The following SMARCAD1 variants were observed in gnomAD, a reference collection of about 807,000 sequenced individuals.
The protein encoded by SMARCAD1 is SWI/SNF-related matrix-associated actin-dependent regulator of chromatin subfamily A containing DEAD/H box 1.
A neutral mutation model predicts 127.1 loss-of-function variants in SMARCAD1; 25 were observed. The observed-to-expected ratio is 0.20, with a 90% CI of 0.14 to 0.27. The LOEUF is 0.27. Among genes scored for constraint, SMARCAD1 ranks in the 10% least tolerant of loss-of-function variants. SMARCAD1 has a pLI of 1.00. For synonymous variants in SMARCAD1, 400 were observed against 396.9 expected, an observed-to-expected ratio of 1.01 and a Z score of -0.09; for missense variants, 807 against 1,206.0, an observed-to-expected ratio of 0.67 and a Z score of 4.90.
Position 94,231,240 on chromosome 4 carries a change from G to A in SMARCAD1, c.369-2714G>A, listed in dbSNP as rs144591799. ...GGCACATGGAATTAATTGAATTAAT[G>A]CAGTCTTGAGCACATTGCCGATTGG... On this transcript the variant is annotated intron_variant, in intron 3 of 23. Coordinates refer to ENST00000354268, the MANE Select transcript of SMARCAD1 (RefSeq NM_020159.5). 3.5e-3 allele frequency among the ~76,000 whole-genome samples: 527 copies of A among 152,236 alleles called. 1 individual carries two copies. The highest frequency in any genetic ancestry group is 0.012 in the African/African-American group (486 of 41,540).
At chr4:94,257,918 CTGTTAATATA>C (rs1750367475) in intron 9 of SMARCAD1, among the ~76,000 whole-genome samples, 1 of 152,080 alleles carries the variant, frequency 6.6e-6, no homozygotes, top group South Asian at 2.1e-4. Flanking sequence ...TTCCCCAGTT[CTGTTAATATA>C]TGTTAATATG....
At chr4:94,246,081 G>A (rs574836168) in intron 6 of SMARCAD1, among the ~76,000 whole-genome samples, 3 of 151,446 alleles carry the variant, frequency 2.0e-5, no homozygotes, top group East Asian at 1.9e-4. Context: ...GTACAGAGCC[G>A]TCTCTTAACC....
At chr4:94,209,624 C>T (rs912555505) in intron 2 of SMARCAD1, among the ~76,000 whole-genome samples, 1 of 152,120 alleles carries the variant, frequency 6.6e-6, no homozygotes, top group Non-Finnish European at 1.5e-5. Context: ...ATGGCAGATC[C>T]TCTGCAAGTT....
chr4:94,250,991 C>T (rs1482372055), intron 8 of SMARCAD1, among the ~76,000 whole-genome samples, 158 bp downstream of exon 8: 6 of 152,032 alleles, frequency 3.9e-5, no homozygotes, highest in Non-Finnish European at 8.8e-5. Context: ...CTTTAACAAC[C>T]AGTTTTTAAA....
Position 94,239,642 on chromosome 4 carries a change from A to G in SMARCAD1, c.605-1264A>G, listed in dbSNP as rs552537461. ...GGCTGGAGTGCAGTGGTGCGGTCTC[A>G]GCTCACTACGACCTCTGCCTCCCAG... On this transcript the variant is annotated intron_variant, in intron 5 of 23. Transcript: ENST00000354268. Among the ~76,000 whole-genome samples, 147 of 150,572 alleles carry G rather than the reference A, an allele frequency of 9.8e-4. 1 individual carries two copies. The South Asian group carries it at 0.012, about 13-fold the overall frequency.
chr4:94,263,541 A>G (rs1721125644), intron 9 of SMARCAD1, among the ~76,000 whole-genome samples: 1 of 152,030 alleles, frequency 6.6e-6, no homozygotes, highest in East Asian at 1.9e-4. Context: ...TATATTTCCA[A>G]GTTATTCTAG....
intron 2 of SMARCAD1, among the ~76,000 whole-genome samples, chr4:94,213,459 T>C (rs920217536): frequency 6.6e-6 from 1 of 152,132 alleles, no homozygotes; most frequent in South Asian, 2.1e-4. Context: ...TAGATGAAAC[T>C]GAAAAGATAG....
rs114879357 is a variant in SMARCAD1 at position 94,281,818 on chromosome 4, C to T, written c.2726+228C>T. Among the ~76,000 whole-genome samples the T allele has an allele frequency of 2.2e-3, 342 of 152,018 alleles. 2 individuals are homozygous for T. The highest frequency in any genetic ancestry group is 7.7e-3 in the African/African-American group (320 of 41,482). ...GGCGGATTGGTTGGGCTCAGGAGTT[C>T]AAGACTACCCTGGACAACATGACAA... is the stretch of plus-strand genomic sequence containing the variant. On this transcript the variant is annotated intron_variant, in intron 21 of 23. Transcript: ENST00000354268.
chr4:94,281,073 T>A (rs1753947935), intron 20 of SMARCAD1, among the ~76,000 whole-genome samples: 1 of 152,232 alleles, frequency 6.6e-6, no homozygotes, highest in African/African-American at 2.4e-5. Context: ...AAAATTAGTT[T>A]TTAAAGACAC....
At chr4:94,209,212 C>T (rs1463084294) in intron 2 of SMARCAD1, among the ~76,000 whole-genome samples, 1 of 152,194 alleles carries the variant, frequency 6.6e-6, no homozygotes, top group Non-Finnish European at 1.5e-5. Context: ...GAACAGTTAA[C>T]TATTAGAGGA....
At chr4:94,230,373 T>A (rs1200108345) in intron 3 of SMARCAD1, among the ~76,000 whole-genome samples, 43 of 152,108 alleles carry the variant, frequency 2.8e-4, no homozygotes. Flanking sequence ...TATGTATATA[T>A]CTCCTGGAAA....
At chr4:94,276,606 T>C in intron 15 of SMARCAD1, 132 bp downstream of exon 15, 1 of 1,176,290 alleles carries the variant, frequency 8.5e-7, no homozygotes, top group Non-Finnish European at 1.2e-6. Flanking sequence ...TAGCAAGTTT[T>C]TTCTGTAAAA....
chr4:94,214,739 G>A (rs919760248), intron 2 of SMARCAD1, among the ~76,000 whole-genome samples: 2 of 152,104 alleles, frequency 1.3e-5, no homozygotes, highest in African/African-American at 2.4e-5. Context: ...GATAAAAATA[G>A]ATGGGTTCAT....
rs1753053172 is a variant in SMARCAD1, at chr4:94,274,982, T to C, written c.1808+17T>C. The C allele has an allele frequency of 6.5e-7, 1 of 1,550,058 alleles. No homozygotes were observed. The highest frequency in any genetic ancestry group is 8.9e-7 in the Non-Finnish European group (1 of 1,123,548). On this transcript the variant is annotated intron_variant, in intron 14 of 23. Coordinates refer to ENST00000354268, the MANE Select transcript of SMARCAD1 (RefSeq NM_020159.5). ...TGTGACCACGTAAGTATTGAGAAAT[T>C]TGGGGAGGATGGATATTTATGCAGC... is the stretch of plus-strand genomic sequence containing the variant.
chr4:94,250,585 G>A (rs2125913122), intron 7 of SMARCAD1, among the ~76,000 whole-genome samples, 167 bp from the exon 8 acceptor site: 1 of 152,222 alleles, frequency 6.6e-6, no homozygotes, highest in African/African-American at 2.4e-5. Context: ...TTGTGGAGGT[G>A]AAATTACACA....
chr4:94,281,489 A>G lies in SMARCAD1; in HGVS notation c.2625A>G (p.Leu875=), dbSNP rs145680198. ...TTTCACAGGGTGATAGAGTTGTGTTATTTAGCCAATTTACCATGATGCTGG... is the reference window on the plus strand; with the variant it reads ...TTTCACAGGGTGATAGAGTTGTGTTGTTTAGCCAATTTACCATGATGCTGG... ...ELKQKGDRVV[L]FSQFTMMLDI... The change falls in exon 21 of 24, where the codon TTA becomes TTG. Residue 875 remains leucine, a synonymous_variant. Transcript: ENST00000354268. The G allele has an allele frequency of 4.5e-4, 729 of 1,611,280 alleles. 5 individuals carry two copies. In the East Asian group the frequency reaches 0.014, roughly 32 times the overall value.
At chr4:94,279,113 G>A (rs1753674155) in intron 19 of SMARCAD1, 63 bp downstream of exon 19, 1 of 1,606,266 alleles carries the variant, frequency 6.2e-7, no homozygotes, top group African/African-American at 1.3e-5. Flanking sequence ...TAGGCTATAA[G>A]ATTGGTGAAC....
At chr4:94,278,040 T>C (rs1753543068) in intron 16 of SMARCAD1, among the ~76,000 whole-genome samples, 3 of 152,188 alleles carry the variant, frequency 2.0e-5, no homozygotes, top group African/African-American at 7.2e-5. Context: ...TGGGGCCATT[T>C]TCCACAAAGA....
At position 94,225,880 on chromosome 4, in the gene SMARCAD1, C is replaced by G. The variant is rs374413095; in HGVS notation, c.191-239C>G. Among the ~76,000 whole-genome samples, 193 of 152,220 alleles carry G rather than the reference C, an allele frequency of 1.3e-3. 1 individual carries two copies. Among genetic ancestry groups the G allele is most frequent in the African/African-American group, 4.5e-3 (187 of 41,538 alleles). On this transcript the variant is annotated intron_variant, in intron 2 of 23. Transcript: ENST00000354268. Reference sequence around the variant, plus strand: ...GAGGAAAGTATTAGAATATAAAACACAAACCTATGTTATTTTGCAGTTTCC... The same window carrying G: ...GAGGAAAGTATTAGAATATAAAACAGAAACCTATGTTATTTTGCAGTTTCC...
Sources: gnomAD v4.1 joint callset for allele counts (sites outside exome capture counted in the v4.1 genomes callset) on GRCh38, gnomAD v4.1.1 for gene constraint, MANE v1.5 for transcripts, NCBI Gene and HGNC (gene_info 2026-07-23, HGNC 2026-07-21) for gene names.